CX3CR1: variants seen among roughly 807,000 people sequenced by gnomAD.
CX3CR1 encodes CX3C chemokine receptor 1.
For synonymous variants in CX3CR1, 168 were observed against 178.5 expected, an observed-to-expected ratio of 0.94 and a Z score of 0.47; for missense variants, 363 against 432.4, an observed-to-expected ratio of 0.84 and a Z score of 1.42.
chr3:39,269,658 T>C (rs1349954591), intron 1 of CX3CR1, among the ~76,000 whole-genome samples: 2 of 152,206 alleles, frequency 1.3e-5, no homozygotes, highest in Non-Finnish European at 2.9e-5. Flanking sequence ...GGCTTGGGAC[T>C]GCTCCCTGCC....
At chr3:39,272,408 GC>G (rs1448400178) in intron 1 of CX3CR1, among the ~76,000 whole-genome samples, 1 of 152,054 alleles carries the variant, frequency 6.6e-6, no homozygotes, top group Non-Finnish European at 1.5e-5. Flanking sequence ...ACTTCCTCTG[GC>G]CTACTTCCTT....
chr3:39,273,737 G>T (rs1009965585), intron 1 of CX3CR1, among the ~76,000 whole-genome samples: 4 of 152,170 alleles, frequency 2.6e-5, no homozygotes, highest in African/African-American at 9.7e-5. Context: ...CTCCTGGGAT[G>T]TAGCAATCCT....
At chr3:39,281,716 T>C, upstream of CX3CR1, 1 of 1,570,226 alleles carries the variant, frequency 6.4e-7, no homozygotes, top group Non-Finnish European at 8.7e-7. Context: ...GTCCACGGCC[T>C]GGTAAGCACG....
chr3:39,285,439 T>G (rs79795809), upstream of CX3CR1, among the ~76,000 whole-genome samples: 2,613 of 152,218 alleles, frequency 0.017, 69 homozygotes, highest in African/African-American at 0.059. Flanking sequence ...AAGTAAGTGC[T>G]ATTTACTACC....
At chr3:39,281,331 C>A, upstream of CX3CR1, 1 of 867,780 alleles carries the variant, frequency 1.2e-6, no homozygotes, top group Non-Finnish European at 1.5e-6. Context: ...CCCCACACCA[C>A]CCCTTGATAC....
At chr3:39,289,735 T>C in the CX3CR1 span, among the ~76,000 whole-genome samples, 3 of 152,112 alleles carry the variant, frequency 2.0e-5, no homozygotes, top group Non-Finnish European at 4.4e-5. Context: ...AAGGAGGTCA[T>C]TAAGGTTAAG....
intron 1 of CX3CR1, among the ~76,000 whole-genome samples, chr3:39,267,585 A>G (rs2125550646): frequency 6.6e-6 from 1 of 152,282 alleles, no homozygotes; most frequent in Admixed American, 6.5e-5. Flanking sequence ...CCTCAGTCCC[A>G]GGCAAATCAG....
intron 1 of CX3CR1, among the ~76,000 whole-genome samples, chr3:39,278,939 T>A (rs2040868889): frequency 6.6e-6 from 1 of 152,080 alleles, no homozygotes; most frequent in Non-Finnish European, 1.5e-5. Flanking sequence ...ACAACATATA[T>A]CAAAATTGAA....
At chr3:39,267,211 G>A in intron 1 of CX3CR1, among the ~76,000 whole-genome samples, 1 of 152,022 alleles carries the variant, frequency 6.6e-6, no homozygotes, top group Non-Finnish European at 1.5e-5. Context: ...AGGGGGAGGG[G>A]GGTGAGATGG....
chr3:39,283,283 G>A (rs2040919892), upstream of CX3CR1, among the ~76,000 whole-genome samples: 1 of 152,190 alleles, frequency 6.6e-6, no homozygotes, highest in Admixed American at 6.5e-5. Context: ...CAGCTCATGT[G>A]TGGTAGGGCC....
chr3:39,265,870 T>C lies in CX3CR1; in HGVS notation c.640A>G (p.Ile214Val), dbSNP rs751023067. Residue 214 changes from isoleucine to valine, a missense_variant, in exon 2 of 2, where the codon ATC (isoleucine) becomes GTC (valine). Ile to Val is a conservative substitution (Grantham distance 29). Transcript: ENST00000399220. ...TTGCAGGAAAACAGCGTCTGGATGA[T>C]TCTGAAGTAGCAATAACTCATAATG... ...LLIMSYCYFR[I>V]IQTLFSCKNH... The C allele has an allele frequency of 1.1e-5, 17 of 1,614,114 alleles. No homozygotes were observed. Among genetic ancestry groups the C allele is most frequent in the South Asian group, 5.5e-5 (5 of 91,088 alleles).
chr3:39,278,284 G>T (rs375685459), intron 1 of CX3CR1, among the ~76,000 whole-genome samples: 3 of 152,318 alleles, frequency 2.0e-5, no homozygotes, highest in South Asian at 4.1e-4. Flanking sequence ...CACTGAAGTT[G>T]GGCTGAGACT....
chr3:39,272,951 G>A (rs1008097126), intron 1 of CX3CR1, among the ~76,000 whole-genome samples: 9 of 152,324 alleles, frequency 5.9e-5, no homozygotes, highest in South Asian at 2.1e-4. Context: ...AACCCCACTG[G>A]AGAAATGATG....
At chr3:39,273,190 C>T (rs2040799928) in intron 1 of CX3CR1, among the ~76,000 whole-genome samples, 2 of 152,246 alleles carry the variant, frequency 1.3e-5, no homozygotes, top group Admixed American at 1.3e-4. Context: ...AGAAACTGGT[C>T]CATGATGCAT....
chr3:39,280,219 C>G, upstream of CX3CR1: 2 of 985,530 alleles, frequency 2.0e-6, no homozygotes, highest in Admixed American at 6.1e-5. Flanking sequence ...GGGAAGACTG[C>G]GGAGCTGGAG....
rs924631311 is a variant in CX3CR1, at chr3:39,265,883, A to G, written c.627T>C (p.Tyr209=). The stretch of plus-strand genomic sequence containing the variant: ...GCGTCTGGATGATTCTGAAGTAGCA[A>G]TAACTCATAATGAGCAGGGGGAGTA... The part of the protein sequence containing the change: ...GFLLPLLIMS[Y]CYFRIIQTLF... The change falls in exon 2 of 2, where the codon TAT becomes TAC. Residue 209 remains tyrosine, a synonymous_variant. Coordinates refer to ENST00000399220, the MANE Select transcript of CX3CR1 (RefSeq NM_001337.4). The G allele has an allele frequency of 5.0e-6, 8 of 1,614,138 alleles. No homozygotes were observed. In the Admixed American group the frequency reaches 1.0e-4, roughly 20 times the overall value.
At position 39,264,845 on chromosome 3, in the gene CX3CR1, T is replaced by C. The variant is rs1202461241; in HGVS notation, c.*597A>G. 1 of 152,392 alleles carries C rather than the reference T, an allele frequency of 6.6e-6. No homozygotes were observed. The highest frequency in any genetic ancestry group is 1.5e-5 in the Non-Finnish European group (1 of 68,174). 9.4% of individuals were successfully genotyped at this position (152,392 alleles called of 1,614,324 possible). On this transcript the variant is annotated 3_prime_UTR_variant, in exon 2 of 2. Transcript: ENST00000399220. Reference sequence around the variant, plus strand: ...TTTCTGCTTCTCCATGAGATTGGACTGGAAGCTTCCATCTTATATATCCCT... The same window carrying C: ...TTTCTGCTTCTCCATGAGATTGGACCGGAAGCTTCCATCTTATATATCCCT...
Position 39,265,473 on chromosome 3 carries a change from G to A in CX3CR1, c.1037C>T (p.Thr346Met), listed in dbSNP as rs749735693. 3.5e-5 allele frequency: 57 copies of A among 1,613,548 alleles called. No individual in the cohort carries two copies. The highest frequency in any genetic ancestry group is 1.6e-4 in the Middle Eastern group (1 of 6,072). The change falls in exon 2 of 2, where the codon ACG becomes ATG. Residue 346 changes from threonine to methionine, a missense_variant. Coordinates refer to ENST00000399220, the MANE Select transcript of CX3CR1 (RefSeq NM_001337.4). ...AAGGAGCAATGCATCTCCATCACTC[G>A]TGTGGTAAGTAAAATTGCTGCTCAG... Reference protein sequence around the residue: ...SVLSSNFTYHTSDGDALLLL With the variant: ...SVLSSNFTYHMSDGDALLLL
At chr3:39,283,319 T>C (rs1006694635), upstream of CX3CR1, among the ~76,000 whole-genome samples, 5 of 152,136 alleles carry the variant, frequency 3.3e-5, no homozygotes, top group Non-Finnish European at 7.3e-5. Context: ...CATTGAGGTT[T>C]TATGGTCTAT....
Sources: gnomAD v4.1 joint callset for allele counts (sites outside exome capture counted in the v4.1 genomes callset) on GRCh38, gnomAD v4.1.1 for gene constraint, MANE v1.5 for transcripts, NCBI Gene and HGNC (gene_info 2026-07-23, HGNC 2026-07-21) for gene names.